The following SOHLH1 variants were observed in gnomAD, a reference collection of about 807,000 sequenced individuals.
SOHLH1 encodes the protein spermatogenesis- and oogenesis-specific basic helix-loop-helix-containing protein 1.
SOHLH1 carries 23 observed loss-of-function variants against 36.2 expected under a neutral mutation model. The ratio of observed to expected loss-of-function variants is 0.64; its 90% confidence interval spans 0.46 to 0.90. The LOEUF is 0.90. Ranked by LOEUF, SOHLH1 falls within the 40% of genes least tolerant of loss-of-function variation. The pLI, the probability that SOHLH1 is intolerant of heterozygous loss-of-function variation, is 0.00. For missense variants in SOHLH1, 608 were observed against 517.0 expected (o/e 1.18, Z -1.71); for synonymous variants, 289 against 228.3 (o/e 1.27, Z -2.40).
chr9:135,695,493 G>A (rs1358790343), intron 5 of SOHLH1, among the ~76,000 whole-genome samples: 1 of 152,108 alleles, frequency 6.6e-6, no homozygotes, highest in Admixed American at 6.5e-5. Flanking sequence ...TGGGGGCCAA[G>A]GGCTTCCTAG....
intron 6 of SOHLH1, 48 bp from the exon 7 acceptor site, chr9:135,694,505 T>C (rs556044570): frequency 1.2e-6 from 2 of 1,604,800 alleles, no homozygotes; most frequent in African/African-American, 1.3e-5. Context: ...GACCCAGACC[T>C]TGGAGCTCAA....
rs148858757 is a variant in SOHLH1, at chr9:135,698,398, C to G, written c.276G>C (p.Ser92=). 3.3e-4 allele frequency: 533 copies of G among 1,613,006 alleles called. 1 individual carries two copies. The highest frequency in any genetic ancestry group is 4.3e-4 in the Non-Finnish European group (512 of 1,180,042). The change falls in exon 3 of 8, where the codon TCG becomes TCC. Residue 92 remains serine, a synonymous_variant. Transcript: ENST00000425225. ...GGAACTGCACAGACATCTCCAGGAC[C>G]GAGGCCATGTCCTCCCGCCGGCCAT... ...QFDGRREDMA[S]VLEMSVQFLR...
intron 2 of SOHLH1, 24 bp from the exon 3 acceptor site, chr9:135,698,500 A>G (rs775860541): frequency 1.2e-6 from 2 of 1,612,776 alleles, no homozygotes; most frequent in East Asian, 2.2e-5. Context: ...AGAAACAAAT[A>G]CCTCTGGGCC....
chr9:135,694,342 G>A, intron 7 of SOHLH1, 45 bp downstream of exon 7: 2 of 1,612,132 alleles, frequency 1.2e-6, no homozygotes, highest in Non-Finnish European at 1.7e-6. Context: ...CTCATATCAG[G>A]TGCTTACGCG....
upstream of SOHLH1, among the ~76,000 whole-genome samples, chr9:135,700,498 G>T (rs1212227839): frequency 1.1e-4 from 16 of 152,028 alleles, no homozygotes; most frequent in Admixed American, 1.0e-3. Flanking sequence ...CTCGTGCTGA[G>T]GTCGTAGCGG....
chr9:135,699,489 C>T, upstream of SOHLH1: 2 of 1,609,090 alleles, frequency 1.2e-6, no homozygotes, highest in Non-Finnish European at 1.7e-6. Flanking sequence ...TGCGGAGCGA[C>T]CCCACGCGCA....
At position 135,693,758 on chromosome 9, in the gene SOHLH1, G is replaced by A. The variant is rs778251323; in HGVS notation, c.1003C>T (p.Pro335Ser). Reference protein sequence around the residue: ...GPAWAPAESSPLDVGEPGFLG... With the variant: ...GPAWAPAESSSLDVGEPGFLG... ...AAGCCTGGCTCTCCAACATCCAGTG[G>A]ACTGCTCTCAGCTGGGGCCCATGCA... The change falls in exon 8 of 8, where the codon CCA becomes TCA. Residue 335 changes from proline (P) to serine (S), a missense_variant. Physicochemically the swap from Pro to Ser is moderately conservative, Grantham distance 74. Transcript: ENST00000425225. 3 of 1,579,716 alleles carry A rather than the reference G, an allele frequency of 1.9e-6. No individual in the cohort carries two copies. The highest frequency in any genetic ancestry group is 2.3e-5 in the South Asian group (2 of 85,816).
rs756470958 is a variant in SOHLH1, at chr9:135,699,447, C to G, written c.21G>C (p.Glu7Asp). MASRCSEPYPEVSRIPT... is the reference protein window; with the variant it reads MASRCSDPYPEVSRIPT... ...GGATTCTGGAGACCTCCGGGTAGGG[C>G]TCGGAGCACCGGGACGCCATGAACT... The change falls in exon 1 of 8, where the codon GAG becomes GAC. Residue 7 changes from glutamate (E) to aspartate (D), a missense_variant. Physicochemically the swap from Glu to Asp is conservative, Grantham distance 45. Coordinates refer to ENST00000425225, the MANE Select transcript of SOHLH1 (RefSeq NM_001101677.2). 7.4e-6 allele frequency: 12 copies of G among 1,612,326 alleles called. No individual in the cohort carries two copies. The highest frequency in any genetic ancestry group is 1.0e-5 in the Non-Finnish European group (12 of 1,179,784).
At position 135,694,687 on chromosome 9, in the gene SOHLH1, C is replaced by T. The variant is rs544774554; in HGVS notation, c.876-230G>A. 9.2e-5 allele frequency among the ~76,000 whole-genome samples: 14 copies of T among 152,266 alleles called. No homozygotes were observed. The East Asian group carries it at 2.5e-3, about 27-fold the overall frequency. ...GATCCGTCCTGCAGAGCATCTCTGC[C>T]GGTTTCTCTCCAGCCACAGTCTCGC... is the stretch of plus-strand genomic sequence containing the variant. On this transcript the variant is annotated intron_variant, in intron 6 of 7. Coordinates refer to ENST00000425225, the MANE Select transcript of SOHLH1 (RefSeq NM_001101677.2).
chr9:135,694,009 C>A lies in SOHLH1; in HGVS notation c.947-195G>T, dbSNP rs886790438. ...CCCAGGACACCTGTTGGACCAGAAC[C>A]AGGAACGGGCTCCCAAACACTAAAT... On this transcript the variant is annotated intron_variant, in intron 7 of 7. Transcript: ENST00000425225. 8.6e-5 allele frequency: 123 copies of A among 1,427,940 alleles called. 2 individuals are homozygous for A. In the Middle Eastern group the frequency reaches 1.5e-3, roughly 17 times the overall value. The allele number at this position is 1,427,940 out of a possible 1,614,324, so 88.5% of individuals were successfully genotyped here.
chr9:135,696,402 G>C (rs1312915735), intron 5 of SOHLH1, among the ~76,000 whole-genome samples: 1 of 152,098 alleles, frequency 6.6e-6, no homozygotes, highest in South Asian at 2.1e-4. Context: ...TCCCTCCCGA[G>C]AGCACACGTC....
Position 135,695,037 on chromosome 9 carries a change from C to T in SOHLH1, c.875+13G>A, listed in dbSNP as rs370813781. On this transcript the variant is annotated intron_variant, in intron 6 of 7. Coordinates refer to ENST00000425225, the MANE Select transcript of SOHLH1 (RefSeq NM_001101677.2). ...CACGCACACACAGGCGTGCACACCA[C>T]CTGGGCACTCACCCGGCCTCCTGCG... is the stretch of plus-strand genomic sequence containing the variant. 2.5e-5 allele frequency: 40 copies of T among 1,584,008 alleles called. No individual in the cohort carries two copies. The highest frequency in any genetic ancestry group is 3.3e-5 in the Non-Finnish European group (38 of 1,167,286).
upstream of SOHLH1, among the ~76,000 whole-genome samples, chr9:135,701,242 G>T (rs1835025125): frequency 6.7e-6 from 1 of 150,070 alleles, no homozygotes; most frequent in Admixed American, 6.6e-5. Context: ...CCCCTCAAAA[G>T]CATCTGTGTT....
At chr9:135,701,414 G>A (rs951327650), upstream of SOHLH1, among the ~76,000 whole-genome samples, 13 of 152,228 alleles carry the variant, frequency 8.5e-5, no homozygotes, top group Non-Finnish European at 1.3e-4. Flanking sequence ...GGTCCACCCT[G>A]CAAACCAACA....
intron 5 of SOHLH1, 77 bp from the exon 6 acceptor site, chr9:135,695,340 G>A (rs931681564): frequency 1.3e-5 from 18 of 1,408,676 alleles, no homozygotes; most frequent in African/African-American, 7.1e-5. Context: ...CGTGACTCAC[G>A]GGCTCGGTCC....
Position 135,698,407 on chromosome 9 carries a change from G to A in SOHLH1, c.267C>T (p.Asp89=). Residue 89 remains aspartate, a synonymous_variant, in exon 3 of 8, where the codon GAC becomes GAT. Coordinates refer to ENST00000425225, the MANE Select transcript of SOHLH1 (RefSeq NM_001101677.2). ...LLPQFDGRRE[D]MASVLEMSVQ... is the part of the protein sequence containing the mutation. ...CAGACATCTCCAGGACCGAGGCCAT[G>A]TCCTCCCGCCGGCCATCGAACTGGG... The A allele has an allele frequency of 6.2e-7, 1 of 1,613,154 alleles. No individual in the cohort carries two copies.
chr9:135,693,943 G>A, intron 7 of SOHLH1, 129 bp from the exon 8 acceptor site: 3 of 1,440,640 alleles, frequency 2.1e-6, no homozygotes, highest in Admixed American at 5.3e-5. Flanking sequence ...CTGCACAGAG[G>A]CTGTGATGAG....
At chr9:135,699,489 C>G (rs1006488473), upstream of SOHLH1, 1 of 1,609,090 alleles carries the variant, frequency 6.2e-7, no homozygotes, top group Non-Finnish European at 8.5e-7. Flanking sequence ...TGCGGAGCGA[C>G]CCCACGCGCA....
Position 135,695,125 on chromosome 9 carries a change from G to C in SOHLH1, c.800C>G (p.Ala267Gly). The change falls in exon 6 of 8, where the codon GCT (alanine) becomes GGT (glycine). Residue 267 changes from alanine (A) to glycine (G), a missense_variant. Ala to Gly is a moderately conservative substitution (Grantham distance 60, BLOSUM62 0). Coordinates refer to ENST00000425225, the MANE Select transcript of SOHLH1 (RefSeq NM_001101677.2). Reference sequence around the variant, plus strand: ...TGCAGCCCCCATGGCCAGGGGCCCAGCCTGGCCCAGCCAGCCAAGGGCCTC... The same window carrying C: ...TGCAGCCCCCATGGCCAGGGGCCCACCCTGGCCCAGCCAGCCAAGGGCCTC... ...SGEALGWLGQ[A>G]GPLAMGAAPL... is the part of the protein sequence containing the mutation. 6.3e-7 allele frequency: 1 copy of C among 1,597,140 alleles called. No individual in the cohort carries two copies. The highest frequency in any genetic ancestry group is 8.5e-7 in the Non-Finnish European group (1 of 1,173,952).
Sources: gnomAD v4.1 joint callset for allele counts (sites outside exome capture counted in the v4.1 genomes callset) on GRCh38, gnomAD v4.1.1 for gene constraint, MANE v1.5 for transcripts, NCBI Gene and HGNC (gene_info 2026-07-23, HGNC 2026-07-21) for gene names.